Variants in WDFY3 observed in about 807,000 individuals in gnomAD.
The protein encoded by WDFY3 is WD repeat and FYVE domain containing 3, also known as WD repeat and FYVE domain-containing protein 3.
A neutral mutation model predicts 409.6 loss-of-function variants in WDFY3; 66 were observed. The ratio of observed to expected loss-of-function variants is 0.16; its 90% CI spans 0.13 to 0.20. WDFY3 has a LOEUF of 0.20. Among genes scored for constraint, WDFY3 ranks in the 10% least tolerant of loss-of-function variants. The probability of loss-of-function intolerance (pLI) is 1.00; values close to 1 mark genes in which losing one functional copy is unlikely to be tolerated. For missense variants in WDFY3, 3,031 were observed against 4,298.1 expected (o/e 0.71, Z 8.24); for synonymous variants, 1,521 against 1,537.1 (o/e 0.99, Z 0.25).
chr4:84,695,509 TAGAGAGAGAGAGAGAG>T (rs869147060), intron 58 of WDFY3, among the ~76,000 whole-genome samples: 139 of 107,358 alleles, frequency 1.3e-3, no homozygotes, highest in South Asian at 3.5e-3. Flanking sequence ...CAGAGAGAGA[TAGAGAGAGAGAGAGAG>T]AGAGAGAGAG....
chr4:84,765,579 C>A (rs1490680570), intron 32 of WDFY3, among the ~76,000 whole-genome samples: 1 of 152,088 alleles, frequency 6.6e-6, no homozygotes, highest in African/African-American at 2.4e-5. Context: ...ACAAAAAGAT[C>A]TTGAGGAATT....
At position 84,782,949 on chromosome 4, in the gene WDFY3, A is replaced by G. The variant is rs1369931895; in HGVS notation, c.4174+14T>C. Reference sequence around the variant, plus strand: ...AATAAAGAAGTTTGAAACAACAAAGATAAGTCCACTCACCCAAGTATCCAA... The same window carrying G: ...AATAAAGAAGTTTGAAACAACAAAGGTAAGTCCACTCACCCAAGTATCCAA... On this transcript the variant is annotated intron_variant, in intron 25 of 67. Coordinates refer to ENST00000295888, the MANE Select transcript of WDFY3 (RefSeq NM_014991.6). 6.2e-7 allele frequency: 1 copy of G among 1,608,686 alleles called. No homozygotes were observed. The highest frequency in any genetic ancestry group is 8.5e-7 in the Non-Finnish European group (1 of 1,178,252).
intron 30 of WDFY3, among the ~76,000 whole-genome samples, chr4:84,766,747 C>T (rs1347234068): frequency 6.6e-6 from 1 of 152,104 alleles, no homozygotes; most frequent in African/African-American, 2.4e-5. Context: ...TTGAAAGATA[C>T]AGTTAATTCT....
rs1275913587 is a variant in WDFY3, at chr4:84,678,970, G to A, written c.10096C>T (p.His3366Tyr). ...TRAHLQGPLS[H>Y]PHPNPIEVRN... ...ACCTCAATGGGATTGGGGTGGGGGT[G>A]GCTAAGGGGGCCCTGCAGATGGGCT... The change falls in exon 65 of 68, where the codon CAC becomes TAC. Residue 3366 changes from histidine (H) to tyrosine (Y), a missense_variant. Around this residue, in one of 16 missense-constraint regions of WDFY3, gnomAD observed 378 missense variants for 477.3 expected, o/e 0.79. Transcript: ENST00000295888. The A allele has an allele frequency of 1.4e-5, 22 of 1,614,090 alleles. No homozygotes were observed. Among genetic ancestry groups the A allele is most frequent in the Non-Finnish European group, 1.8e-5 (21 of 1,180,042 alleles).
At chr4:84,838,106 G>C (rs1411234299) in intron 6 of WDFY3, among the ~76,000 whole-genome samples, 3 of 152,136 alleles carry the variant, frequency 2.0e-5, no homozygotes, top group Admixed American at 2.0e-4. Context: ...AGGAGGTTAG[G>C]CCATATGGTA....
intron 32 of WDFY3, among the ~76,000 whole-genome samples, chr4:84,765,588 T>C (rs1291958080): frequency 6.6e-6 from 1 of 152,184 alleles, no homozygotes; most frequent in Non-Finnish European, 1.5e-5. Context: ...TCTTGAGGAA[T>C]TCCCTGAGTT....
chr4:84,887,040 G>T (rs1454442295), intron 3 of WDFY3, among the ~76,000 whole-genome samples: 2 of 152,028 alleles, frequency 1.3e-5, no homozygotes, highest in Admixed American at 6.6e-5. Flanking sequence ...TAGGTGCTTG[G>T]GATACAGTGG....
intron 1 of WDFY3, among the ~76,000 whole-genome samples, chr4:84,950,788 T>G (rs2151113856): frequency 6.6e-6 from 1 of 152,032 alleles, no homozygotes; most frequent in East Asian, 1.9e-4. Context: ...AGACTCCAAC[T>G]CAAAAAAGAA....
chr4:84,770,146 A>G (rs964589228), intron 30 of WDFY3, among the ~76,000 whole-genome samples: 2 of 151,614 alleles, frequency 1.3e-5, no homozygotes, highest in African/African-American at 4.9e-5. Flanking sequence ...CTCCTGCCTC[A>G]GCCTCCTGAG....
At chr4:84,869,856 C>T (rs1478691196) in intron 3 of WDFY3, among the ~76,000 whole-genome samples, 1 of 152,094 alleles carries the variant, frequency 6.6e-6, no homozygotes, top group Non-Finnish European at 1.5e-5. Context: ...TGAAGAGGTA[C>T]TTAAAATCAC....
chr4:84,926,943 A>G (rs1446626621), intron 2 of WDFY3, among the ~76,000 whole-genome samples: 2 of 152,200 alleles, frequency 1.3e-5, no homozygotes, highest in East Asian at 1.9e-4. Context: ...AAATTTTTGT[A>G]TGATTTCTGC....
At chr4:84,831,643 C>A (rs773286380) in intron 7 of WDFY3, 38 bp from the exon 8 acceptor site, 2 of 1,532,410 alleles carry the variant, frequency 1.3e-6, no homozygotes, top group Admixed American at 1.9e-5. Context: ...AGTGTATAAG[C>A]AAAAATCAAA....
intron 1 of WDFY3, among the ~76,000 whole-genome samples, chr4:84,954,077 A>T (rs1041081161): frequency 6.6e-6 from 1 of 152,182 alleles, no homozygotes; most frequent in Non-Finnish European, 1.5e-5. Context: ...AGTACCCGTG[A>T]TACCCAGCAC....
chr4:84,799,043 C>T (rs1347666648), intron 17 of WDFY3, among the ~76,000 whole-genome samples: 1 of 152,188 alleles, frequency 6.6e-6, no homozygotes, highest in Non-Finnish European at 1.5e-5. Context: ...GAATGCTGTA[C>T]TCCTTCTCTA....
At chr4:84,961,893 A>ATTC (rs1305236338) in intron 1 of WDFY3, among the ~76,000 whole-genome samples, 12 of 152,214 alleles carry the variant, frequency 7.9e-5, no homozygotes, top group African/African-American at 2.9e-4. Flanking sequence ...GTTCAATAAA[A>ATTC]AGGTTACTGA....
Position 84,866,825 on chromosome 4 carries a change from C to T in WDFY3, c.-31-6203G>A, listed in dbSNP as rs767158094. Among the ~76,000 whole-genome samples the T allele has an allele frequency of 8.9e-4, 136 of 152,296 alleles. 1 individual carries two copies. The highest frequency in any genetic ancestry group is 1.5e-3 in the Non-Finnish European group (105 of 68,032). On this transcript the variant is annotated intron_variant, in intron 3 of 67. Coordinates refer to ENST00000295888, the MANE Select transcript of WDFY3 (RefSeq NM_014991.6). ...ATTTTGTCCAGTTCTTTGTGGAAAA[C>T]GCCAAGGACCTGGACATCTCACACT...
At chr4:84,747,286 GC>G (rs987462859) in intron 36 of WDFY3, among the ~76,000 whole-genome samples, 4 of 152,330 alleles carry the variant, frequency 2.6e-5, no homozygotes, top group African/African-American at 9.6e-5. Flanking sequence ...TGGAAGGAAG[GC>G]CTTTGGAATT....
chr4:84,724,943 G>A (rs924503195), intron 45 of WDFY3, among the ~76,000 whole-genome samples: 4 of 152,200 alleles, frequency 2.6e-5, no homozygotes, highest in Non-Finnish European at 5.9e-5. Context: ...GCATCAAGCT[G>A]CAAACAGCCT....
chr4:84,932,615 T>C (rs1456894499), intron 1 of WDFY3, among the ~76,000 whole-genome samples: 2 of 152,196 alleles, frequency 1.3e-5, no homozygotes, highest in African/African-American at 4.8e-5. Context: ...AACTTTGACC[T>C]GGAGAAATTA....
Sources: gnomAD v4.1 joint callset for allele counts (sites outside exome capture counted in the v4.1 genomes callset) on GRCh38, gnomAD v4.1.1 for gene constraint, gnomAD v4.1.1 regional missense constraint, MANE v1.5 for transcripts, NCBI Gene and HGNC (gene_info 2026-07-23, HGNC 2026-07-21) for gene names.